Variants in GPC5 observed in about 807,000 individuals in gnomAD.
GPC5 encodes the protein glypican-5.
GPC5 carries 47 observed loss-of-function variants against 53.9 expected under a neutral mutation model. That is an observed-to-expected ratio of 0.87 (90% CI 0.69 to 1.11). The LOEUF (loss-of-function observed/expected upper bound fraction) is 1.11. Ranked by LOEUF, GPC5 falls within the 50% of genes most tolerant of loss-of-function variation. The pLI, the probability that GPC5 is intolerant of heterozygous loss-of-function variation, is 0.00. For synonymous variants in GPC5, 286 were observed against 263.3 expected (o/e 1.09, Z -0.84); for missense variants, 748 against 713.1 (o/e 1.05, Z -0.56).
At chr13:92,509,484 C>T (rs1880489226) in intron 7 of GPC5, 1 of 152,118 alleles carries the variant, frequency 6.6e-6, no homozygotes, top group African/African-American at 2.4e-5. Flanking sequence ...TTATCTTTTT[C>T]TTATTTTTTC....
At chr13:91,737,761 A>T (rs112434357) in intron 4 of GPC5, among the ~76,000 whole-genome samples, 1,794 of 151,518 alleles carry the variant, frequency 0.012, 139 homozygotes, top group African/African-American at 0.043. Context: ...GAAGAATTTA[A>T]TTTATATTTT....
At chr13:92,572,140 G>T (rs529028312) in intron 7 of GPC5, among the ~76,000 whole-genome samples, 18 of 152,238 alleles carry the variant, frequency 1.2e-4, no homozygotes, top group Middle Eastern at 3.4e-3. Flanking sequence ...TTTTCTGATT[G>T]AGATATTTGA....
chr13:91,586,563 T>A (rs868022951), intron 2 of GPC5, among the ~76,000 whole-genome samples: 1 of 41,976 alleles, frequency 2.4e-5, no homozygotes, highest in Admixed American at 3.5e-4. Context: ...TATATATATG[T>A]AGAGAGAGAG....
At chr13:91,404,109 T>G (rs1877148713) in intron 1 of GPC5, among the ~76,000 whole-genome samples, 1 of 152,242 alleles carries the variant, frequency 6.6e-6, no homozygotes, top group Non-Finnish European at 1.5e-5. Context: ...TGTTAAGGCT[T>G]TCCGGAAGAT....
In GPC5 at chr13:91,436,397, C is replaced by T. The variant is rs866024797; in HGVS notation, c.164-12364C>T. 2.5e-3 allele frequency among the ~76,000 whole-genome samples: 374 copies of T among 151,950 alleles called. 1 individual carries two copies. Among genetic ancestry groups the T allele is most frequent in the Middle Eastern group, 0.01 (3 of 294 alleles). On this transcript the variant is annotated intron_variant, in intron 1 of 7. Coordinates refer to ENST00000377067, the MANE Select transcript of GPC5 (RefSeq NM_004466.6). ...TTCTGGTATGTTGTGTCTTTGTTCT[C>T]GTTGGTTTCAAAGAACATCTTTATT...
At chr13:91,402,924 C>G (rs1444947311) in intron 1 of GPC5, among the ~76,000 whole-genome samples, 1 of 152,148 alleles carries the variant, frequency 6.6e-6, no homozygotes, top group Admixed American at 6.5e-5. Flanking sequence ...CTCTATGAAA[C>G]AAGGCTGCGC....
At chr13:91,970,937 T>G (rs1157948537) in intron 6 of GPC5, among the ~76,000 whole-genome samples, 2 of 152,202 alleles carry the variant, frequency 1.3e-5, no homozygotes, top group African/African-American at 4.8e-5. Context: ...CTTTTTTGGT[T>G]GTGTCTCTGC....
At chr13:92,620,050 T>C (rs78725644) in intron 7 of GPC5, among the ~76,000 whole-genome samples, 3,224 of 152,200 alleles carry the variant, frequency 0.021, 124 homozygotes, top group African/African-American at 0.074. Context: ...GTTAGTATTA[T>C]TATCCTCGGG....
At chr13:92,153,344 G>T (rs2041920816) in intron 7 of GPC5, among the ~76,000 whole-genome samples, 2 of 152,080 alleles carry the variant, frequency 1.3e-5, no homozygotes, top group African/African-American at 4.8e-5. Flanking sequence ...CACCGTGTTG[G>T]CTAGGCTGGT....
chr13:92,353,346 G>A (rs2043496828), intron 7 of GPC5, among the ~76,000 whole-genome samples: 1 of 151,440 alleles, frequency 6.6e-6, no homozygotes, highest in Non-Finnish European at 1.5e-5. Context: ...GATGATACGA[G>A]TTTTGAAAGA....
At chr13:92,837,429 ATGAGT>A (rs1224870826) in intron 7 of GPC5, among the ~76,000 whole-genome samples, 2 of 152,190 alleles carry the variant, frequency 1.3e-5, no homozygotes, top group Admixed American at 1.3e-4. Context: ...TCTTAAAAAG[ATGAGT>A]TGATTTATAT....
At chr13:91,990,874 A>C (rs2138734255) in intron 6 of GPC5, among the ~76,000 whole-genome samples, 1 of 152,312 alleles carries the variant, frequency 6.6e-6, no homozygotes, top group African/African-American at 2.4e-5. Context: ...TAAAATTCAA[A>C]CCTCTCACTT....
intron 7 of GPC5, among the ~76,000 whole-genome samples, chr13:92,521,039 G>C (rs549564784): frequency 5.3e-4 from 80 of 152,190 alleles, no homozygotes; most frequent in African/African-American, 1.9e-3. Context: ...GATTCAAAGA[G>C]AATAAAATAC....
chr13:92,681,361 G>GTTC lies in GPC5; in HGVS notation c.1562-184920_1562-184919insTCT, dbSNP rs1233173764. Among the ~76,000 whole-genome samples the GTTC allele has an allele frequency of 6.7e-4, 102 of 151,198 alleles. No homozygotes were observed. The Middle Eastern group carries it at 0.024, about 35-fold the overall frequency. On this transcript the variant is annotated intron_variant, in intron 7 of 7. Coordinates refer to ENST00000377067, the MANE Select transcript of GPC5 (RefSeq NM_004466.6). ...TTTTTCCCTCTGTTCTCGCCTCTGA[G>GTTC]TGCCCCAACCCAATCTCTCTTCCTC...
intron 7 of GPC5, among the ~76,000 whole-genome samples, chr13:92,648,111 A>T (rs545491099): frequency 2.6e-5 from 4 of 152,088 alleles, no homozygotes; most frequent in Admixed American, 2.6e-4. Context: ...AAATATATAC[A>T]TATGTGATTA....
At chr13:92,056,151 T>C (rs746812460) in intron 6 of GPC5, among the ~76,000 whole-genome samples, 3 of 152,190 alleles carry the variant, frequency 2.0e-5, no homozygotes, top group South Asian at 2.1e-4. Flanking sequence ...GGGGCTAAAA[T>C]GAAAGGTTGT....
chr13:92,854,486 GATAAAA>G (rs1878930075), intron 7 of GPC5, among the ~76,000 whole-genome samples: 1 of 151,296 alleles, frequency 6.6e-6, no homozygotes, highest in African/African-American at 2.4e-5. Flanking sequence ...GTATCAGACA[GATAAAA>G]ATAAAAATAT....
At chr13:92,277,950 A>G (rs2042887728) in intron 7 of GPC5, among the ~76,000 whole-genome samples, 1 of 151,892 alleles carries the variant, frequency 6.6e-6, no homozygotes, top group South Asian at 2.1e-4. Context: ...ATTCTATTTG[A>G]TTAAAACTAA....
chr13:91,901,666 G>C (rs1193570252), intron 5 of GPC5, among the ~76,000 whole-genome samples: 1 of 152,036 alleles, frequency 6.6e-6, no homozygotes, highest in Non-Finnish European at 1.5e-5. Flanking sequence ...GAAATGGTTT[G>C]TATGGAAAAT....
Sources: allele counts gnomAD v4.1 joint callset (sites outside exome capture counted in the v4.1 genomes callset), GRCh38; gene constraint gnomAD v4.1.1; transcripts MANE v1.5; gene names NCBI Gene and HGNC (gene_info 2026-07-23, HGNC 2026-07-21).